The following TMTC3 variants were observed in gnomAD, a reference collection of about 807,000 sequenced individuals.
The protein encoded by TMTC3 is transmembrane O-mannosyltransferase targeting cadherins 3, also known as protein O-mannosyl-transferase TMTC3.
A neutral mutation model predicts 92.2 loss-of-function variants in TMTC3; 52 were observed. The ratio of observed to expected loss-of-function variants is 0.56; its 90% CI spans 0.45 to 0.71. The LOEUF is 0.71. Ranked by LOEUF, TMTC3 falls within the 30% of genes least tolerant of loss-of-function variation. The pLI is 0.00. For missense variants in TMTC3, 896 were observed against 1,057.1 expected (o/e 0.85, Z 2.11); for synonymous variants, 339 against 363.3 (o/e 0.93, Z 0.76).
rs1592724920 is a variant in TMTC3 at position 88,154,390 on chromosome 12, AC to A, written c.508+4del. ...AAAAGGACCAGACAATTCCATAAGTACATGTCTCACATTTGATTTTTTTTTA... is the reference window on the plus strand; with the variant it reads ...AAAAGGACCAGACAATTCCATAAGTAATGTCTCACATTTGATTTTTTTTTA... On this transcript the variant is annotated splice_donor_region_variant and intron_variant, in intron 4 of 13. Coordinates refer to ENST00000266712, the MANE Select transcript of TMTC3 (RefSeq NM_181783.4). 6.4e-7 allele frequency: 1 copy of A among 1,569,224 alleles called. No homozygotes were observed. Among genetic ancestry groups the A allele is most frequent in the East Asian group, 2.3e-5 (1 of 43,906 alleles).
chr12:88,172,973 CAG>C, intron 8 of TMTC3: 1 of 1,430,300 alleles, frequency 7.0e-7, no homozygotes, highest in Non-Finnish European at 9.3e-7. Flanking sequence ...CAGCCTGAGA[CAG>C]AACAAACTTT....
intron 10 of TMTC3, among the ~76,000 whole-genome samples, chr12:88,181,722 AATAT>A (rs1222922160): frequency 1.3e-5 from 2 of 152,142 alleles, no homozygotes; most frequent in Non-Finnish European, 2.9e-5. Context: ...AGTCATTAAC[AATAT>A]TGATAAGCTG....
At position 88,185,752 on chromosome 12, in the gene TMTC3, G is replaced by GT. The variant is rs557189454; in HGVS notation, c.1433-3090dup. ...CATTTGCTGAGAATTTTTAACACAA[G>GT]TAAATGTTGGATTCTGTCAAATGCT... is the stretch of plus-strand genomic sequence containing the variant. On this transcript the variant is annotated intron_variant, in intron 10 of 13. Coordinates refer to ENST00000266712, the MANE Select transcript of TMTC3 (RefSeq NM_181783.4). 3.3e-5 allele frequency among the ~76,000 whole-genome samples: 5 copies of GT among 150,632 alleles called. No homozygotes were observed. The South Asian group carries it at 1.0e-3, about 32-fold the overall frequency.
intron 1 of TMTC3, among the ~76,000 whole-genome samples, 151 bp from the exon 2 acceptor site, chr12:88,148,137 A>G (rs1016216828): frequency 3.3e-5 from 5 of 152,148 alleles, no homozygotes; most frequent in African/African-American, 9.7e-5. Flanking sequence ...AGTTTCAACA[A>G]TGTGACTAGC....
At chr12:88,182,483 CATTT>C (rs1426351469) in intron 10 of TMTC3, among the ~76,000 whole-genome samples, 4 of 152,094 alleles carry the variant, frequency 2.6e-5, no homozygotes, top group African/African-American at 9.7e-5. Flanking sequence ...TTTTGATAAT[CATTT>C]AAGATATGCA....
At chr12:88,158,027 A>C (rs899172258) in intron 4 of TMTC3, among the ~76,000 whole-genome samples, 2 of 152,176 alleles carry the variant, frequency 1.3e-5, no homozygotes, top group Non-Finnish European at 2.9e-5. Flanking sequence ...ACCATGTTAA[A>C]GTCTTGGTCT....
chr12:88,190,751 A>G (rs868373106), intron 12 of TMTC3, 129 bp downstream of exon 12: 9 of 902,398 alleles, frequency 1.0e-5, no homozygotes, highest in Non-Finnish European at 1.1e-5. Context: ...AACCAAGTGC[A>G]TAGAAGAGCA....
chr12:88,153,953 T>G (rs2040975444), intron 3 of TMTC3, among the ~76,000 whole-genome samples: 1 of 152,068 alleles, frequency 6.6e-6, no homozygotes, highest in South Asian at 2.1e-4. Flanking sequence ...TAAGAAGTAC[T>G]TAAGTTCTAG....
chr12:88,186,972 T>C (rs1232841173), intron 10 of TMTC3, among the ~76,000 whole-genome samples: 1 of 152,114 alleles, frequency 6.6e-6, no homozygotes, highest in Non-Finnish European at 1.5e-5. Flanking sequence ...ATATAACCTC[T>C]TTCTTTTCTA....
chr12:88,161,059 A>G (rs1740898255), intron 6 of TMTC3, among the ~76,000 whole-genome samples: 1 of 152,178 alleles, frequency 6.6e-6, no homozygotes, highest in African/African-American at 2.4e-5. Flanking sequence ...CAATAAAGAT[A>G]ATGAATGACC....
intron 7 of TMTC3, among the ~76,000 whole-genome samples, chr12:88,167,827 T>C (rs2041162911): frequency 6.6e-6 from 1 of 152,174 alleles, no homozygotes; most frequent in African/African-American, 2.4e-5. Context: ...AAGTTACACA[T>C]AGAAATCTTA....
chr12:88,159,662 T>TAA (rs1218499909), intron 4 of TMTC3, among the ~76,000 whole-genome samples: 10 of 143,320 alleles, frequency 7.0e-5, no homozygotes, highest in Non-Finnish European at 1.1e-4. Context: ...GACCCTGTCT[T>TAA]AAAAAAAAAA....
At chr12:88,154,523 A>G (rs2040982658) in intron 4 of TMTC3, 136 bp downstream of exon 4, 5 of 495,216 alleles carry the variant, frequency 1.0e-5, no homozygotes, top group Non-Finnish European at 1.7e-5. Context: ...TTACTTTAGC[A>G]TATGTGAAAA....
intron 6 of TMTC3, among the ~76,000 whole-genome samples, chr12:88,161,720 T>G (rs1172431582): frequency 6.6e-6 from 1 of 151,628 alleles, no homozygotes; most frequent in Non-Finnish European, 1.5e-5. Context: ...TCTTTGTTGT[T>G]TTAGTGTTGC....
intron 2 of TMTC3, among the ~76,000 whole-genome samples, chr12:88,151,209 G>A (rs1047953919): frequency 6.6e-6 from 1 of 152,098 alleles, no homozygotes; most frequent in Non-Finnish European, 1.5e-5. Flanking sequence ...TGATTCTTTG[G>A]TATAGCCGTG....
chr12:88,182,891 G>A (rs897465786), intron 10 of TMTC3, among the ~76,000 whole-genome samples: 23 of 152,120 alleles, frequency 1.5e-4, no homozygotes, highest in Non-Finnish European at 3.2e-4. Flanking sequence ...TCTGCAAGGG[G>A]AATAGTACAA....
At chr12:88,189,075 C>A in intron 11 of TMTC3, 129 bp downstream of exon 11, 8 of 584,188 alleles carry the variant, frequency 1.4e-5, no homozygotes, top group East Asian at 6.8e-5. Flanking sequence ...TAAAGAATTA[C>A]ATTTTTCTAG....
chr12:88,174,628 G>T lies in TMTC3; in HGVS notation c.1221G>T (p.Trp407Cys). The T allele has an allele frequency of 6.2e-7, 1 of 1,609,694 alleles. No homozygotes were observed. Among genetic ancestry groups the T allele is most frequent in the Non-Finnish European group, 8.5e-7 (1 of 1,178,216 alleles). ...ACAGTGTATTTAAAAAGCTATCCTG[G>T]ATTTGTCTGTCTATGGTGATACTCA... Reference protein sequence around the residue: ...STKSVFKKLSWICLSMVILTH... With the variant: ...STKSVFKKLSCICLSMVILTH... Residue 407 changes from tryptophan (W) to cysteine (C), a missense_variant, in exon 9 of 14, where the codon TGG becomes TGT. Physicochemically the swap from Trp to Cys is radical, Grantham distance 215. Coordinates refer to ENST00000266712, the MANE Select transcript of TMTC3 (RefSeq NM_181783.4).
intron 1 of TMTC3, among the ~76,000 whole-genome samples, chr12:88,146,412 T>G (rs1368648828): frequency 6.6e-6 from 1 of 152,050 alleles, no homozygotes; most frequent in African/African-American, 2.4e-5. Context: ...AGATCATCAT[T>G]TAAGAAGCCT....
Sources: gnomAD v4.1 joint callset for allele counts (sites outside exome capture counted in the v4.1 genomes callset) on GRCh38, gnomAD v4.1.1 for gene constraint, MANE v1.5 for transcripts, NCBI Gene and HGNC (gene_info 2026-07-23, HGNC 2026-07-21) for gene names.